TAPT1: variants seen among roughly 807,000 people sequenced by gnomAD.
TAPT1 encodes the protein transmembrane anterior posterior transformation protein 1 homolog.
In TAPT1, 28 loss-of-function variants were observed where a neutral mutation model predicts 65.6. The ratio of observed to expected loss-of-function variants is 0.43; its 90% CI spans 0.32 to 0.59. The LOEUF is 0.59. TAPT1 is among the 20% of genes least tolerant of loss of function. The pLI is 0.09. For missense variants in TAPT1, 563 were observed against 679.9 expected, an observed-to-expected ratio of 0.83 and a Z score of 1.91; for synonymous variants, 278 against 245.2, an observed-to-expected ratio of 1.13 and a Z score of -1.25.
At chr4:16,218,485 A>G (rs1296563305) in intron 1 of TAPT1, among the ~76,000 whole-genome samples, 1 of 152,228 alleles carries the variant, frequency 6.6e-6, no homozygotes, top group African/African-American at 2.4e-5. Flanking sequence ...TTTGACCATA[A>G]TGAGAGTTGT....
intron 8 of TAPT1, 54 bp from the exon 9 acceptor site, chr4:16,176,282 T>C: frequency 4.8e-6 from 4 of 838,266 alleles, no homozygotes; most frequent in East Asian, 5.6e-5. Flanking sequence ...ACAGAATCCA[T>C]ATCACAGGCT....
intron 12 of TAPT1, among the ~76,000 whole-genome samples, chr4:16,169,998 C>G (rs1440761900): frequency 1.3e-5 from 2 of 152,196 alleles, no homozygotes; most frequent in Admixed American, 1.3e-4. Flanking sequence ...GAGGGTGGAA[C>G]AGGTTTCCCG....
At chr4:16,181,393 G>A (rs1748700168) in intron 7 of TAPT1, among the ~76,000 whole-genome samples, 1 of 152,150 alleles carries the variant, frequency 6.6e-6, no homozygotes, top group Non-Finnish European at 1.5e-5. Context: ...TATCTGAAAT[G>A]AGCCAAAGTA....
chr4:16,226,077 G>A (rs1205206395), intron 1 of TAPT1, 182 bp downstream of exon 1: 8 of 1,022,870 alleles, frequency 7.8e-6, no homozygotes, highest in Non-Finnish European at 9.3e-6. Flanking sequence ...CCCGCCCGAG[G>A]AACTGTCAAC....
At chr4:16,194,872 T>TC (rs1749601155) in intron 3 of TAPT1, among the ~76,000 whole-genome samples, 1 of 37,704 alleles carries the variant, frequency 2.7e-5, no homozygotes, top group African/African-American at 4.3e-5. Context: ...TTCTTCTTCT[T>TC]CTTCTTCTTC....
rs561090443 is a variant in TAPT1, at chr4:16,211,395, A to C, written c.330+2373T>G. 2.0e-4 allele frequency among the ~76,000 whole-genome samples: 30 copies of C among 152,334 alleles called. 1 individual carries two copies. The South Asian group carries it at 5.2e-3, about 26-fold the overall frequency. On this transcript the variant is annotated intron_variant, in intron 2 of 13. Coordinates refer to ENST00000405303, the MANE Select transcript of TAPT1 (RefSeq NM_153365.3). ...AAAAAATAAAGGCCTTAAAGATAGC[A>C]GAGTGAATTCATGCAGTTATGAGAG...
intron 1 of TAPT1, among the ~76,000 whole-genome samples, chr4:16,221,508 T>C (rs80020499): frequency 0.053 from 8,062 of 152,278 alleles, 237 homozygotes; most frequent in Middle Eastern, 0.14. Context: ...AAAAGCATAG[T>C]ATAAATTGCT....
intron 3 of TAPT1, among the ~76,000 whole-genome samples, chr4:16,199,594 GA>G (rs1181971252): frequency 6.6e-6 from 1 of 151,818 alleles, no homozygotes; most frequent in Non-Finnish European, 1.5e-5. Flanking sequence ...AACACTTTAA[GA>G]ATTTTTTTTT....
At chr4:16,224,510 T>C (rs887319029) in intron 1 of TAPT1, among the ~76,000 whole-genome samples, 2 of 152,160 alleles carry the variant, frequency 1.3e-5, no homozygotes, top group African/African-American at 4.8e-5. Context: ...TCCTGGAATT[T>C]GGAATTCTCA....
At chr4:16,201,163 C>T (rs1439097955) in intron 3 of TAPT1, among the ~76,000 whole-genome samples, 1 of 151,886 alleles carries the variant, frequency 6.6e-6, no homozygotes, top group Non-Finnish European at 1.5e-5. Flanking sequence ...ATAATTATTC[C>T]AATTTATACT....
intron 12 of TAPT1, among the ~76,000 whole-genome samples, chr4:16,168,136 A>G (rs1618243): frequency 0.75 from 113,224 of 151,550 alleles, 42,474 homozygotes; most frequent in Middle Eastern, 0.87. Flanking sequence ...TTTTTTAAGA[A>G]GCAGTCTTGC....
chr4:16,222,296 T>C lies in TAPT1; in HGVS notation c.199+3963A>G, dbSNP rs554197801. On this transcript the variant is annotated intron_variant, in intron 1 of 13. Transcript: ENST00000405303. ...AAAACCAAAATAAGTAACTTTTCATTGTTCGTTTGGTCTATATATACTAAT... is the reference window on the plus strand; with the variant it reads ...AAAACCAAAATAAGTAACTTTTCATCGTTCGTTTGGTCTATATATACTAAT... Among the ~76,000 whole-genome samples, 3 of 152,314 alleles carry C rather than the reference T, an allele frequency of 2.0e-5. No individual in the cohort carries two copies. The East Asian group carries it at 5.8e-4, about 29-fold the overall frequency.
chr4:16,180,482 C>T (rs1213740984), intron 7 of TAPT1, among the ~76,000 whole-genome samples: 1 of 152,106 alleles, frequency 6.6e-6, no homozygotes, highest in African/African-American at 2.4e-5. Context: ...ATCTCAAAAG[C>T]TTTTTTACAG....
Position 16,164,083 on chromosome 4 carries a change from G to C in TAPT1, c.1475-546C>G, listed in dbSNP as rs559228837. Among the ~76,000 whole-genome samples, 4 of 152,252 alleles carry C rather than the reference G, an allele frequency of 2.6e-5. 1 individual carries two copies. The South Asian group carries it at 8.3e-4, about 32-fold the overall frequency. ...AGAGATCCTGGAGCCTGGCTTTGGG[G>C]ACAGCTGGGCTGGGGCCTGGAGAGA... On this transcript the variant is annotated intron_variant, in intron 13 of 13. Coordinates refer to ENST00000405303, the MANE Select transcript of TAPT1 (RefSeq NM_153365.3).
At chr4:16,227,236 G>C (rs778243099), upstream of TAPT1, 1 of 455,500 alleles carries the variant, frequency 2.2e-6, no homozygotes, top group Non-Finnish European at 4.4e-6. Flanking sequence ...GGGCTGGCGC[G>C]CCGGCGGACT....
intron 1 of TAPT1, among the ~76,000 whole-genome samples, chr4:16,217,385 A>C (rs999293896): frequency 6.6e-6 from 1 of 152,212 alleles, no homozygotes; most frequent in African/African-American, 2.4e-5. Flanking sequence ...TAAAAATGAA[A>C]TGGAAAGGGA....
Position 16,213,306 on chromosome 4 carries a change from A to G in TAPT1, c.330+462T>C, listed in dbSNP as rs372242832. Among the ~76,000 whole-genome samples the G allele has an allele frequency of 2.6e-5, 4 of 152,352 alleles. No individual in the cohort carries two copies. The South Asian group carries it at 8.3e-4, about 32-fold the overall frequency. ...TGTAATGTGATGCTTCCTGTGATAA[A>G]GATTAAACAAACCATCTTTTTCTTT... is the stretch of plus-strand genomic sequence containing the variant. On this transcript the variant is annotated intron_variant, in intron 2 of 13. Coordinates refer to ENST00000405303, the MANE Select transcript of TAPT1 (RefSeq NM_153365.3).
chr4:16,227,068 C>T (rs1751630475), upstream of TAPT1: 1 of 454,728 alleles, frequency 2.2e-6, no homozygotes, highest in Non-Finnish European at 4.4e-6. Flanking sequence ...ATTTTGGTTC[C>T]ATCTCTTCTG....
intron 7 of TAPT1, among the ~76,000 whole-genome samples, chr4:16,185,367 G>C (rs317871): frequency 6.6e-6 from 1 of 150,998 alleles, no homozygotes; most frequent in African/African-American, 2.4e-5. Flanking sequence ...TGGAATCATC[G>C]TAATTTTTTT....
Sources: gnomAD v4.1 joint callset for allele counts (sites outside exome capture counted in the v4.1 genomes callset) on GRCh38, gnomAD v4.1.1 for gene constraint, MANE v1.5 for transcripts, NCBI Gene and HGNC (gene_info 2026-07-23, HGNC 2026-07-21) for gene names.